The following CLMN variants were observed in gnomAD, a reference collection of about 807,000 sequenced individuals.
The protein encoded by CLMN is calmin, also known as calmin (calponin-like, transmembrane).
A neutral mutation model predicts 92.7 loss-of-function variants in CLMN; 57 were observed. That is an observed-to-expected ratio of 0.61 (90% CI 0.50 to 0.77). The LOEUF (loss-of-function observed/expected upper bound fraction) is 0.77. CLMN is among the 30% of genes least tolerant of loss of function. The probability of loss-of-function intolerance (pLI) is 0.00; values close to 1 mark genes in which losing one functional copy is unlikely to be tolerated. For synonymous variants in CLMN, 466 were observed against 470.6 expected (o/e 0.99, Z 0.13); for missense variants, 1,158 against 1,237.5 (o/e 0.94, Z 0.96).
chr14:95,193,716 T>C lies in CLMN; in HGVS notation c.2840+133A>G, dbSNP rs1595549702. On this transcript the variant is annotated intron_variant, in intron 12 of 12. Coordinates refer to ENST00000298912, the MANE Select transcript of CLMN (RefSeq NM_024734.4). The stretch of plus-strand genomic sequence containing the variant: ...ATCATTTTCTCTGGAATAGTTATTT[T>C]CTTGCATTATCCCAAATTATTAATA... 3 of 1,101,310 alleles carry C rather than the reference T, an allele frequency of 2.7e-6. No individual in the cohort carries two copies. In the East Asian group the frequency reaches 7.3e-5, roughly 27 times the overall value. 68.2% of individuals were successfully genotyped at this position (1,101,310 alleles called of 1,614,324 possible). A position where few individuals can be genotyped will look rare whatever the true frequency, so the allele number is the denominator to read the frequency against.
chr14:95,186,986 A>G lies in CLMN; in HGVS notation c.*4578T>C, dbSNP rs543064984. The G allele has an allele frequency of 7.2e-5, 11 of 152,352 alleles. No individual in the cohort carries two copies. The highest frequency in any genetic ancestry group is 2.2e-4 in the African/African-American group (9 of 41,582). The allele number at this position is 152,352 out of a possible 1,614,324, so 9.4% of individuals were successfully genotyped here. A position where few individuals can be genotyped will look rare whatever the true frequency, so the allele number is the denominator to read the frequency against. On this transcript the variant is annotated 3_prime_UTR_variant, in exon 13 of 13. Coordinates refer to ENST00000298912, the MANE Select transcript of CLMN (RefSeq NM_024734.4). ...TCATTTACTGACAATAGGCAGCAAA[A>G]CCAGGGGGAAGGAAGGAAGGTAATA... is the stretch of plus-strand genomic sequence containing the variant.
intron 1 of CLMN, among the ~76,000 whole-genome samples, chr14:95,298,218 T>TC (rs1037143889): frequency 5.3e-5 from 8 of 150,452 alleles, no homozygotes; most frequent in East Asian, 2.0e-4. Flanking sequence ...CCCTTCCCCT[T>TC]CCCCCCCAAT....
At chr14:95,239,951 T>TTATGTTTAGA (rs1898188268) in intron 1 of CLMN, among the ~76,000 whole-genome samples, 2 of 152,366 alleles carry the variant, frequency 1.3e-5, no homozygotes, top group South Asian at 2.1e-4. Flanking sequence ...TATCTATTTT[T>TTATGTTTAGA]TACTGTGCCT....
chr14:95,245,194 A>G (rs866183231), intron 1 of CLMN, among the ~76,000 whole-genome samples: 2 of 35,482 alleles, frequency 5.6e-5, no homozygotes, highest in African/African-American at 1.4e-4. Context: ...ATATATATAT[A>G]ATATATATAT....
At chr14:95,201,030 G>A (rs1011110727) in intron 9 of CLMN, among the ~76,000 whole-genome samples, 3 of 151,196 alleles carry the variant, frequency 2.0e-5, no homozygotes, top group Non-Finnish European at 4.4e-5. Context: ...GCTAGGGGAG[G>A]GATAGCATTA....
rs150052522 is a variant in CLMN at position 95,221,523 on chromosome 14, C to T, written c.324+168G>A. On this transcript the variant is annotated intron_variant, in intron 4 of 12. Coordinates refer to ENST00000298912, the MANE Select transcript of CLMN (RefSeq NM_024734.4). The stretch of plus-strand genomic sequence containing the variant: ...ACGGAGTCAGGGACTATGTTCCCAA[C>T]GGAGGGGTCATCTGAGTGATTTCTG... Among the ~76,000 whole-genome samples, 9 of 152,240 alleles carry T rather than the reference C, an allele frequency of 5.9e-5. No individual in the cohort carries two copies. The East Asian group carries it at 1.2e-3, about 20-fold the overall frequency.
At chr14:95,268,777 CCT>C (rs1195649669) in intron 1 of CLMN, among the ~76,000 whole-genome samples, 4,829 of 129,572 alleles carry the variant, frequency 0.037, 302 homozygotes, top group African/African-American at 0.099. Flanking sequence ...TATACTGGGA[CCT>C]CTCTCTCTCT....
chr14:95,251,365 A>C (rs1348679810), intron 1 of CLMN, among the ~76,000 whole-genome samples: 1 of 152,120 alleles, frequency 6.6e-6, no homozygotes, highest in Non-Finnish European at 1.5e-5. Flanking sequence ...AGTAAAAGGG[A>C]CTCGTCTCCT....
chr14:95,209,898 C>A lies in CLMN; in HGVS notation c.803-421G>T, dbSNP rs560371329. ...CCTTTAAACAGGTATGGGCTCTCCC[C>A]CTCTGTCATTCTGCTAATGAAACCT... is the stretch of plus-strand genomic sequence containing the variant. On this transcript the variant is annotated intron_variant, in intron 7 of 12. Coordinates refer to ENST00000298912, the MANE Select transcript of CLMN (RefSeq NM_024734.4). Among the ~76,000 whole-genome samples, 44 of 152,314 alleles carry A rather than the reference C, an allele frequency of 2.9e-4. No individual in the cohort carries two copies. In the Middle Eastern group the frequency reaches 0.01, roughly 35 times the overall value.
chr14:95,289,078 T>C (rs986888841), intron 1 of CLMN, among the ~76,000 whole-genome samples: 1 of 152,204 alleles, frequency 6.6e-6, no homozygotes, highest in Non-Finnish European at 1.5e-5. Flanking sequence ...GCTGCTTGTG[T>C]TCCAGATGTG....
chr14:95,245,788 T>C (rs1340496165), intron 1 of CLMN, among the ~76,000 whole-genome samples: 2 of 134,498 alleles, frequency 1.5e-5, no homozygotes, highest in African/African-American at 6.0e-5. Context: ...GGGTGGGTGG[T>C]TGGATTATTG....
At chr14:95,237,915 C>T (rs1898111252) in intron 1 of CLMN, among the ~76,000 whole-genome samples, 2 of 152,332 alleles carry the variant, frequency 1.3e-5, no homozygotes, top group South Asian at 2.1e-4. Context: ...TAACTGCAAG[C>T]GTCCTTGGCT....
intron 1 of CLMN, among the ~76,000 whole-genome samples, chr14:95,292,428 T>TCCCCTA (rs1900606617): frequency 1.4e-5 from 1 of 74,058 alleles, no homozygotes; most frequent in Non-Finnish European, 2.7e-5. Flanking sequence ...CCCCCAAGGG[T>TCCCCTA]CCCCCACCCC....
intron 1 of CLMN, among the ~76,000 whole-genome samples, chr14:95,249,755 C>A (rs1459584548): frequency 6.6e-6 from 1 of 152,116 alleles, no homozygotes; most frequent in African/African-American, 2.4e-5. Flanking sequence ...TCACACCCAG[C>A]TAATTTTTTT....
At chr14:95,315,513 C>G (rs1039437900) in intron 1 of CLMN, among the ~76,000 whole-genome samples, 6 of 152,222 alleles carry the variant, frequency 3.9e-5, no homozygotes, top group Non-Finnish European at 7.3e-5. Flanking sequence ...ACACCTGCAC[C>G]TGGGCCTGAG....
intron 1 of CLMN, among the ~76,000 whole-genome samples, chr14:95,262,218 T>C (rs1899285865): frequency 6.6e-6 from 1 of 152,216 alleles, no homozygotes; most frequent in African/African-American, 2.4e-5. Flanking sequence ...CTCACTGAGC[T>C]GATGTTTTCT....
At chr14:95,231,193 CT>C (rs59211402) in intron 1 of CLMN, among the ~76,000 whole-genome samples, 2,569 of 137,212 alleles carry the variant, frequency 0.019, 16 homozygotes, top group Middle Eastern at 0.061. Flanking sequence ...AATCCTCTAA[CT>C]TTTTTTTTTT....
At chr14:95,228,712 C>T (rs368029530) in intron 2 of CLMN, among the ~76,000 whole-genome samples, 1 of 152,302 alleles carries the variant, frequency 6.6e-6, no homozygotes. Context: ...TCTCGCTCTG[C>T]CGCCCAGGCT....
chr14:95,279,331 T>C (rs1230293222), intron 1 of CLMN, among the ~76,000 whole-genome samples: 3 of 152,232 alleles, frequency 2.0e-5, no homozygotes, highest in Non-Finnish European at 4.4e-5. Flanking sequence ...ACTGCTTCTA[T>C]GACTTGATAA....
Sources: gnomAD v4.1 joint callset for allele counts (sites outside exome capture counted in the v4.1 genomes callset) on GRCh38, gnomAD v4.1.1 for gene constraint, MANE v1.5 for transcripts, NCBI Gene and HGNC (gene_info 2026-07-23, HGNC 2026-07-21) for gene names.